SKP2: variants seen among roughly 807,000 people sequenced by gnomAD.
SKP2 encodes S-phase kinase-associated protein 2.
A neutral mutation model predicts 51.8 loss-of-function variants in SKP2; 16 were observed. The observed-to-expected ratio is 0.31, with a 90% CI of 0.21 to 0.47. SKP2 has a LOEUF of 0.47. Among genes scored for constraint, SKP2 ranks in the 20% least tolerant of loss-of-function variants. The pLI is 1.00. For synonymous variants in SKP2, 176 were observed against 198.6 expected (o/e 0.89, Z 0.96); for missense variants, 377 against 505.3 (o/e 0.75, Z 2.43).
At chr5:36,169,691 G>A (rs1280685650) in intron 5 of SKP2, among the ~76,000 whole-genome samples, 2 of 152,176 alleles carry the variant, frequency 1.3e-5, no homozygotes, top group African/African-American at 4.8e-5. Flanking sequence ...GTGCCAGATA[G>A]TGAATTTTGT....
chr5:36,185,971 C>T (rs1341748703), downstream of SKP2, among the ~76,000 whole-genome samples: 1 of 152,148 alleles, frequency 6.6e-6, no homozygotes, highest in African/African-American at 2.4e-5. Context: ...TCCTTCCCAT[C>T]CCTTGTAAGT....
intron 6 of SKP2, 134 bp downstream of exon 6, chr5:36,170,576 T>G (rs1417272039): frequency 1.8e-6 from 1 of 553,086 alleles, no homozygotes; most frequent in Non-Finnish European, 3.2e-6. Context: ...ATGCAAAATC[T>G]TTTGCCCTCC....
chr5:36,170,326 GT>G lies in SKP2; in HGVS notation c.672-13del. ...GTCTTACTGGTCTTTTTCTTCTGAC[GT>G]TTTTCTCTTTTTCCAGTACTCTCGC... On this transcript the variant is annotated splice_polypyrimidine_tract_variant and intron_variant, in intron 5 of 9. Coordinates refer to ENST00000274255, the MANE Select transcript of SKP2 (RefSeq NM_005983.4). 2.7e-6 allele frequency: 4 copies of G among 1,488,034 alleles called. No individual in the cohort carries two copies. The highest frequency in any genetic ancestry group is 3.7e-6 in the Non-Finnish European group (4 of 1,068,768). The allele number at this position is 1,488,034 out of a possible 1,614,324, so 92.2% of individuals were successfully genotyped here.
At chr5:36,156,065 A>C (rs1407104441) in intron 2 of SKP2, among the ~76,000 whole-genome samples, 3 of 152,240 alleles carry the variant, frequency 2.0e-5, no homozygotes, top group African/African-American at 7.2e-5. Context: ...TGACTTCAAA[A>C]GTATATATCT....
chr5:36,170,535 T>C, intron 6 of SKP2, 93 bp downstream of exon 6: 2 of 733,740 alleles, frequency 2.7e-6, no homozygotes, highest in Non-Finnish European at 4.4e-6. Flanking sequence ...TTTTTGAGCT[T>C]TTTGTACTTT....
intron 2 of SKP2, among the ~76,000 whole-genome samples, chr5:36,155,443 G>C (rs1160948644): frequency 6.6e-6 from 1 of 152,168 alleles, no homozygotes; most frequent in Non-Finnish European, 1.5e-5. Context: ...GTGAAATGGA[G>C]TGCTGTAATA....
chr5:36,154,769 G>A (rs1744889167), intron 2 of SKP2, among the ~76,000 whole-genome samples: 1 of 152,148 alleles, frequency 6.6e-6, no homozygotes, highest in Admixed American at 6.5e-5. Flanking sequence ...TCAAACTCCT[G>A]GACTCAGGCG....
chr5:36,182,787 G>A lies in SKP2; in HGVS notation c.*756G>A. 1.0e-6 allele frequency: 1 copy of A among 977,192 alleles called. No individual in the cohort carries two copies. The highest frequency in any genetic ancestry group is 1.2e-6 in the Non-Finnish European group (1 of 822,604). 60.5% of individuals were successfully genotyped at this position (977,192 alleles called of 1,614,324 possible). ...TAAATTAGATGAGAAATATAATTGT[G>A]GTTTTCTAACTTGATAATCAAATTA... On this transcript the variant is annotated 3_prime_UTR_variant, in exon 10 of 10. Coordinates refer to ENST00000274255, the MANE Select transcript of SKP2 (RefSeq NM_005983.4).
downstream of SKP2, among the ~76,000 whole-genome samples, chr5:36,185,905 T>G (rs1745950710): frequency 6.6e-6 from 1 of 152,232 alleles, no homozygotes; most frequent in Admixed American, 6.5e-5. Flanking sequence ...TTCTCCCATT[T>G]GTTTGTGTCC....
chr5:36,156,236 A>C (rs761373031), intron 2 of SKP2, among the ~76,000 whole-genome samples: 1 of 152,108 alleles, frequency 6.6e-6, no homozygotes, highest in Non-Finnish European at 1.5e-5. Flanking sequence ...GGTATAGAGG[A>C]TTCCCAATGG....
At chr5:36,159,513 G>A (rs35685853) in intron 2 of SKP2, among the ~76,000 whole-genome samples, 6,119 of 152,194 alleles carry the variant, frequency 0.04, 228 homozygotes, top group East Asian at 0.16. Context: ...TTTTGCCTAC[G>A]TGTAGATGAG....
intron 9 of SKP2, among the ~76,000 whole-genome samples, chr5:36,180,531 G>A (rs368902337): frequency 3.9e-5 from 6 of 152,114 alleles, no homozygotes; most frequent in African/African-American, 1.4e-4. Context: ...CATTTGTGGG[G>A]TTTAAGACAC....
chr5:36,168,200 T>A, intron 4 of SKP2, 113 bp from the exon 5 acceptor site: 1 of 899,100 alleles, frequency 1.1e-6, no homozygotes, highest in Admixed American at 2.2e-5. Flanking sequence ...AAGTATGTAT[T>A]TAGAGTCTTG....
At chr5:36,159,655 G>A (rs1745063735) in intron 2 of SKP2, among the ~76,000 whole-genome samples, 1 of 152,124 alleles carries the variant, frequency 6.6e-6, no homozygotes, top group Non-Finnish European at 1.5e-5. Context: ...GTTTCTAGAT[G>A]GTTTACTGGA....
rs543689774 is a variant in SKP2, at chr5:36,167,196, A to C, written c.536+534A>C. 3.3e-5 allele frequency among the ~76,000 whole-genome samples: 5 copies of C among 152,320 alleles called. No individual in the cohort carries two copies. The South Asian group carries it at 1.0e-3, about 32-fold the overall frequency. On this transcript the variant is annotated intron_variant, in intron 4 of 9. Transcript: ENST00000274255. The stretch of plus-strand genomic sequence containing the variant: ...ATTTTGCAATACTGAGGTTACTGCT[A>C]TCACATAGTAGAATAACTAGGTACT...
chr5:36,162,881 C>T (rs535898709), intron 2 of SKP2, among the ~76,000 whole-genome samples: 251 of 152,290 alleles, frequency 1.6e-3, no homozygotes, highest in African/African-American at 5.4e-3. Context: ...GGGAAGCAAA[C>T]GTCCTTCTCC....
chr5:36,158,181 T>G (rs1328208487), intron 2 of SKP2, among the ~76,000 whole-genome samples: 1 of 152,220 alleles, frequency 6.6e-6, no homozygotes, highest in East Asian at 1.9e-4. Context: ...GGGTCTGGTA[T>G]GCAGCTACAG....
At chr5:36,169,020 C>G (rs1745382655) in intron 5 of SKP2, among the ~76,000 whole-genome samples, 1 of 152,150 alleles carries the variant, frequency 6.6e-6, no homozygotes. Flanking sequence ...GTTCTAAACT[C>G]TTACGTAGTT....
At chr5:36,164,663 G>A (rs1745230227) in intron 3 of SKP2, among the ~76,000 whole-genome samples, 1 of 152,148 alleles carries the variant, frequency 6.6e-6, no homozygotes, top group African/African-American at 2.4e-5. Flanking sequence ...CGCAGAGAGG[G>A]TTGCACACCT....
Sources: allele counts gnomAD v4.1 joint callset (sites outside exome capture counted in the v4.1 genomes callset), GRCh38; gene constraint gnomAD v4.1.1; transcripts MANE v1.5; gene names NCBI Gene and HGNC (gene_info 2026-07-23, HGNC 2026-07-21).